Variants in ARMC8 observed in about 807,000 individuals in gnomAD.
The protein encoded by ARMC8 is armadillo repeat containing 8.
In ARMC8, 20 loss-of-function variants were observed where a neutral mutation model predicts 99.3. That is an observed-to-expected ratio of 0.20 (90% CI 0.14 to 0.29). ARMC8 has a LOEUF of 0.29. Among genes scored for constraint, ARMC8 ranks in the 10% least tolerant of loss-of-function variants. The pLI, the probability that ARMC8 is intolerant of heterozygous loss-of-function variation, is 1.00. For synonymous variants in ARMC8, 263 were observed against 278.3 expected (o/e 0.95, Z 0.55); for missense variants, 569 against 809.5 (o/e 0.70, Z 3.60).
At chr3:138,194,128 C>T (rs1462098505) in intron 1 of ARMC8, among the ~76,000 whole-genome samples, 8 of 151,588 alleles carry the variant, frequency 5.3e-5, no homozygotes, top group Admixed American at 6.6e-5. Flanking sequence ...CTGCAACCTC[C>T]GCCTCCTGGG....
At chr3:138,260,494 C>T (rs901080882) in intron 12 of ARMC8, among the ~76,000 whole-genome samples, 5 of 152,200 alleles carry the variant, frequency 3.3e-5, no homozygotes, top group African/African-American at 1.2e-4. Context: ...ACCCTATTCC[C>T]TTTCCACAGG....
chr3:138,273,128 C>T lies in ARMC8; in HGVS notation c.1629+12C>T. 4 of 1,599,542 alleles carry T rather than the reference C, an allele frequency of 2.5e-6. No individual in the cohort carries two copies. Among genetic ancestry groups the T allele is most frequent in the Non-Finnish European group, 3.4e-6 (4 of 1,174,730 alleles). The stretch of plus-strand genomic sequence containing the variant: ...TCTCCACTCGTCCTGTAAGTAAAAT[C>T]ACCCAGGCTTCCAAATTAGCTAGCC... On this transcript the variant is annotated intron_variant, in intron 17 of 21. Transcript: ENST00000469044.
At chr3:138,215,253 G>A (rs932136300) in intron 2 of ARMC8, among the ~76,000 whole-genome samples, 4 of 151,602 alleles carry the variant, frequency 2.6e-5, no homozygotes, top group Admixed American at 6.6e-5. Context: ...GTCTCACTCT[G>A]TTGCCCAGAC....
At chr3:138,254,161 T>A (rs2108224720) in intron 12 of ARMC8, among the ~76,000 whole-genome samples, 1 of 152,376 alleles carries the variant, frequency 6.6e-6, no homozygotes, top group African/African-American at 2.4e-5. Flanking sequence ...ATCAAGGTGC[T>A]ATTTTAGCAT....
intron 2 of ARMC8, among the ~76,000 whole-genome samples, chr3:138,218,391 A>G (rs1196720276): frequency 6.6e-6 from 1 of 152,052 alleles, no homozygotes; most frequent in Non-Finnish European, 1.5e-5. Context: ...TCATCTCCCT[A>G]TCACTTTTCT....
intron 12 of ARMC8, among the ~76,000 whole-genome samples, chr3:138,256,913 A>G (rs547142429): frequency 6.6e-6 from 1 of 152,244 alleles, no homozygotes; most frequent in Non-Finnish European, 1.5e-5. Flanking sequence ...TCCTTAAAAC[A>G]TAGTGAATAG....
At chr3:138,209,999 C>A in intron 2 of ARMC8, 106 bp downstream of exon 2, 1 of 717,972 alleles carries the variant, frequency 1.4e-6, no homozygotes, top group Non-Finnish European at 2.2e-6. Context: ...TTTTTTCTTT[C>A]ATTTGGCTTC....
intron 1 of ARMC8, among the ~76,000 whole-genome samples, chr3:138,195,284 CAAAA>C (rs945623878): frequency 2.2e-4 from 12 of 55,282 alleles, no homozygotes; most frequent in Non-Finnish European, 7.3e-5. Context: ...GACTCCGTCT[CAAAA>C]AAAAAAAAAA....
At chr3:138,274,567 GGAATATTTTCT>G in intron 18 of ARMC8, 23 bp downstream of exon 18, 1 of 1,556,288 alleles carries the variant, frequency 6.4e-7, no homozygotes, top group Non-Finnish European at 8.8e-7. Flanking sequence ...TTTCTCTTGG[GGAATATTTTCT>G]GAATGTGAGC....
intron 2 of ARMC8, 31 bp from the exon 3 acceptor site, chr3:138,221,895 C>T (rs1195118725): frequency 6.5e-7 from 1 of 1,546,350 alleles, no homozygotes; most frequent in Admixed American, 1.7e-5. Flanking sequence ...GCTGTCTCAA[C>T]ATACTTTATT....
rs1055853232 is a variant in ARMC8, at chr3:138,187,483, G to A, written c.-72G>A. The A allele has an allele frequency of 1.9e-5, 28 of 1,480,564 alleles. No homozygotes were observed. The highest frequency in any genetic ancestry group is 2.2e-5 in the Non-Finnish European group (24 of 1,096,764). The allele number at this position is 1,480,564 out of a possible 1,614,324, so 91.7% of individuals were successfully genotyped here. A position where few individuals can be genotyped will look rare whatever the true frequency, so the allele number is the denominator to read the frequency against. On this transcript the variant is annotated 5_prime_UTR_variant, in exon 1 of 22. Coordinates refer to ENST00000469044, the MANE Select transcript of ARMC8 (RefSeq NM_001363941.2). Reference sequence around the variant, plus strand: ...CCTTTAGGGAGCGGTGCCTAGCGTTGGCCAATAGTTGGCTGTCGAAAGTGC... The same window carrying A: ...CCTTTAGGGAGCGGTGCCTAGCGTTAGCCAATAGTTGGCTGTCGAAAGTGC...
At chr3:138,252,452 CTT>C (rs1169244202) in intron 12 of ARMC8, among the ~76,000 whole-genome samples, 17 of 129,146 alleles carry the variant, frequency 1.3e-4, no homozygotes, top group Admixed American at 2.4e-4. Context: ...ACCATAAACT[CTT>C]TTTTTTTTTT....
At chr3:138,256,464 G>A (rs1383906462) in intron 12 of ARMC8, among the ~76,000 whole-genome samples, 1 of 137,842 alleles carries the variant, frequency 7.3e-6, no homozygotes, top group Non-Finnish European at 1.5e-5. Flanking sequence ...AGGCCGGAGT[G>A]CAGTGGTGCT....
chr3:138,295,812 C>A, intron 21 of ARMC8, 47 bp from the exon 22 acceptor site: 1 of 1,603,882 alleles, frequency 6.2e-7, no homozygotes, highest in Non-Finnish European at 8.5e-7. Context: ...TTTTTTACCC[C>A]AATTACAATT....
At chr3:138,244,945 A>G (rs1043298641) in intron 11 of ARMC8, 143 bp from the exon 12 acceptor site, 9 of 1,043,794 alleles carry the variant, frequency 8.6e-6, no homozygotes, top group East Asian at 5.2e-5. Context: ...ACAGAATCCA[A>G]AAATAACTGG....
At chr3:138,219,229 T>G (rs1385589151) in intron 2 of ARMC8, among the ~76,000 whole-genome samples, 3 of 152,294 alleles carry the variant, frequency 2.0e-5, no homozygotes, top group East Asian at 1.9e-4. Context: ...TTGGATAGTG[T>G]TGTTGTGTTC....
intron 1 of ARMC8, among the ~76,000 whole-genome samples, chr3:138,200,501 A>G (rs1367561558): frequency 6.6e-6 from 1 of 152,336 alleles, no homozygotes; most frequent in East Asian, 1.9e-4. Context: ...TTTTTTGCCT[A>G]CATGACTGGA....
chr3:138,217,395 T>C (rs1437761660), intron 2 of ARMC8, among the ~76,000 whole-genome samples: 2 of 151,552 alleles, frequency 1.3e-5, no homozygotes, highest in East Asian at 3.8e-4. Context: ...CCAGCAGGTC[T>C]AGATCCTTTT....
At chr3:138,271,654 T>C (rs528759521) in intron 16 of ARMC8, among the ~76,000 whole-genome samples, 2 of 152,346 alleles carry the variant, frequency 1.3e-5, no homozygotes, top group African/African-American at 2.4e-5. Context: ...TCTTGACACA[T>C]AGAGTATTCT....
Sources: gnomAD v4.1 joint callset for allele counts (sites outside exome capture counted in the v4.1 genomes callset) on GRCh38, gnomAD v4.1.1 for gene constraint, MANE v1.5 for transcripts, NCBI Gene and HGNC (gene_info 2026-07-23, HGNC 2026-07-21) for gene names.